SLC16A3: variants seen among roughly 807,000 people sequenced by gnomAD.
SLC16A3 encodes monocarboxylate transporter 4.
Under a neutral mutation model 25.0 loss-of-function variants are expected in SLC16A3, and 22 were observed. The ratio of observed to expected loss-of-function variants is 0.88; its 90% confidence interval spans 0.63 to 1.26. The LOEUF is 1.26. SLC16A3 is among the 50% of genes most tolerant of loss of function. The pLI, the probability that SLC16A3 is intolerant of heterozygous loss-of-function variation, is 0.00. For synonymous variants in SLC16A3, 390 were observed against 309.2 expected (o/e 1.26, Z -2.74); for missense variants, 731 against 666.6 (o/e 1.10, Z -1.06).
upstream of SLC16A3, among the ~76,000 whole-genome samples, chr17:82,224,681 C>T (rs1384979188): frequency 6.6e-6 from 1 of 151,044 alleles, no homozygotes; most frequent in Non-Finnish European, 1.5e-5. Context: ...TGTGCAGACA[C>T]ACCCCTACAC....
chr17:82,238,630 A>G, intron 4 of SLC16A3, 72 bp from the exon 5 acceptor site: 2 of 1,448,724 alleles, frequency 1.4e-6, no homozygotes, highest in South Asian at 2.9e-5. Context: ...ACCGAGACAC[A>G]GGCTTGGGTG....
upstream of SLC16A3, among the ~76,000 whole-genome samples, chr17:82,223,480 C>T (rs558152179): frequency 3.0e-4 from 45 of 152,156 alleles, no homozygotes; most frequent in Admixed American, 2.4e-3. Flanking sequence ...TGAGCCACTG[C>T]GCCTGGACTA....
upstream of SLC16A3, among the ~76,000 whole-genome samples, chr17:82,227,692 G>A (rs372584375): frequency 8.1e-6 from 1 of 123,406 alleles, no homozygotes; most frequent in African/African-American, 4.7e-5. Flanking sequence ...GAGCAGCACG[G>A]GCCAACTAAG....
Position 82,237,196 on chromosome 17 carries a change from C to A in SLC16A3, c.426C>A (p.Ser142Arg). ...TCATCATGCTGAACCGCTACTTCAG[C>A]AAGCGGCGCCCCATGGCCAACGGGC... Reference protein sequence around the residue: ...PSLIMLNRYFSKRRPMANGLA... With the variant: ...PSLIMLNRYFRKRRPMANGLA... Residue 142 changes from serine to arginine, a missense_variant, in exon 4 of 5, where the codon AGC (serine) becomes AGA (arginine). Ser to Arg is a moderately radical substitution (Grantham distance 110). Transcript: ENST00000582743. 6.5e-7 allele frequency: 1 copy of A among 1,529,876 alleles called. No individual in the cohort carries two copies. The highest frequency in any genetic ancestry group is 1.3e-5 in the South Asian group (1 of 79,636). 94.8% of individuals were successfully genotyped at this position (1,529,876 alleles called of 1,614,324 possible).
chr17:82,237,814 C>T lies in SLC16A3; in HGVS notation c.1044C>T (p.Gly348=). 3 of 1,609,994 alleles carry T rather than the reference C, an allele frequency of 1.9e-6. No homozygotes were observed. Among genetic ancestry groups the T allele is most frequent in the South Asian group, 1.1e-5 (1 of 91,084 alleles). ...TCGAGGTGCTCATGGCCATCGTGGG[C>T]ACCCACAAGTTCTCCAGTGCCATTG... ...LQFEVLMAIV[G]THKFSSAIGL... is the part of the protein sequence containing the mutation. Residue 348 remains glycine, a synonymous_variant, in exon 4 of 5, where the codon GGC becomes GGT. Coordinates refer to ENST00000582743, the MANE Select transcript of SLC16A3 (RefSeq NM_004207.4).
chr17:82,221,027 C>T (rs1414827269), intron 1 of SLC16A3, among the ~76,000 whole-genome samples: 1 of 151,900 alleles, frequency 6.6e-6, no homozygotes. Context: ...TTCTACTGGC[C>T]AGGCTGGTCT....
chr17:82,238,126 T>TGGGCCC (rs1325510926), intron 4 of SLC16A3, among the ~76,000 whole-genome samples: 1 of 151,682 alleles, frequency 6.6e-6, no homozygotes, highest in Non-Finnish European at 1.5e-5. Context: ...GGCTAGGGGC[T>TGGGCCC]GGGCCCGGGG....
rs2050595578 is a variant in SLC16A3, at chr17:82,236,157, T to C, written c.149T>C (p.Ile50Thr). Residue 50 changes from isoleucine to threonine, a missense_variant, in exon 2 of 5, where the codon ATA becomes ACA. Ile to Thr is a moderately conservative substitution (Grantham distance 89). Transcript: ENST00000582743. The stretch of plus-strand genomic sequence containing the variant: ...GTCAGTGTCTTCTTCAAGGAGCTCA[T>C]ACAGGAGTTTGGGATCGGCTACAGC... ...KAVSVFFKEL[I>T]QEFGIGYSDT... is the part of the protein sequence containing the mutation. 2 of 1,613,298 alleles carry C rather than the reference T, an allele frequency of 1.2e-6. No homozygotes were observed. The highest frequency in any genetic ancestry group is 1.7e-6 in the Non-Finnish European group (2 of 1,179,982).
rs889116935 is a variant in SLC16A3 at position 82,239,199 on chromosome 17, G to A, written c.*223G>A. ...GTGAAGCCAAGCCGCAAGGTTACAA[G>A]GCATCCTCACCAGGGGCCCCGCCTG... On this transcript the variant is annotated 3_prime_UTR_variant, in exon 5 of 5. Transcript: ENST00000582743. 9.9e-6 allele frequency: 4 copies of A among 402,304 alleles called. No homozygotes were observed. Among genetic ancestry groups the A allele is most frequent in the South Asian group, 1.3e-4 (2 of 15,712 alleles). The allele number at this position is 402,304 out of a possible 1,614,324, so 24.9% of individuals were successfully genotyped here. A position where few individuals can be genotyped will look rare whatever the true frequency, so the allele number is the denominator to read the frequency against.
intron 1 of SLC16A3, among the ~76,000 whole-genome samples, chr17:82,222,021 G>C (rs573646838): frequency 6.6e-6 from 1 of 151,972 alleles, no homozygotes; most frequent in Admixed American, 6.6e-5. Context: ...GGACAGGAGC[G>C]TCGCCCTGGG....
intron 2 of SLC16A3, 114 bp from the exon 3 acceptor site, chr17:82,236,615 C>CG (rs2050608885): frequency 3.4e-6 from 5 of 1,452,734 alleles, no homozygotes; most frequent in Non-Finnish European, 3.7e-6. Flanking sequence ...TGGTGCCCCG[C>CG]GGGGGGAGGG....
chr17:82,239,101 A>G lies in SLC16A3; in HGVS notation c.*125A>G. The G allele has an allele frequency of 1.1e-6, 1 of 921,130 alleles. No individual in the cohort carries two copies. The highest frequency in any genetic ancestry group is 1.6e-6 in the Non-Finnish European group (1 of 638,542). 57.1% of individuals were successfully genotyped at this position (921,130 alleles called of 1,614,324 possible). ...TGGGCTCCAGCTGCCGGCCCAGCGG[A>G]TCGTCGCCCGATCAGTGTTTTGAGG... is the stretch of plus-strand genomic sequence containing the variant. On this transcript the variant is annotated 3_prime_UTR_variant, in exon 5 of 5. Transcript: ENST00000582743.
chr17:82,235,945 C>A, intron 1 of SLC16A3, 38 bp from the exon 2 acceptor site: 1 of 1,420,054 alleles, frequency 7.0e-7, no homozygotes, highest in South Asian at 1.2e-5. Context: ...CTGGGATGGT[C>A]ACCCGGGCAG....
At chr17:82,219,238 C>T (rs1231538181) in intron 1 of SLC16A3, among the ~76,000 whole-genome samples, 1 of 152,078 alleles carries the variant, frequency 6.6e-6, no homozygotes, top group African/African-American at 2.4e-5. Context: ...CGATGGAGCC[C>T]TGCTGGGCCT....
chr17:82,222,882 C>T (rs890300924), intron 1 of SLC16A3, among the ~76,000 whole-genome samples: 6 of 151,664 alleles, frequency 4.0e-5, no homozygotes, highest in African/African-American at 1.5e-4. Context: ...ACATGATGCT[C>T]AGTAAACACG....
intron 1 of SLC16A3, 161 bp from the exon 2 acceptor site, chr17:82,235,822 C>T (rs757376640): frequency 3.1e-5 from 19 of 609,102 alleles, no homozygotes; most frequent in Non-Finnish European, 4.7e-5. Flanking sequence ...TCCAAACCCT[C>T]CTGCCTCCAC....
At chr17:82,228,931 C>T (rs2050448892), upstream of SLC16A3, 1 of 149,318 alleles carries the variant, frequency 6.7e-6, no homozygotes, top group South Asian at 1.9e-4. Context: ...CCGGAGGCGG[C>T]GCGGGGTCCG....
chr17:82,227,576 ACCACCTGCCCTGGGCGGGAG>A (rs2050432158), upstream of SLC16A3, among the ~76,000 whole-genome samples: 3 of 141,168 alleles, frequency 2.1e-5, no homozygotes, highest in African/African-American at 7.7e-5. Context: ...AGATGGGAGC[ACCACCTGCCCTGGGCGGGAG>A]CACCACCTGC....
upstream of SLC16A3, among the ~76,000 whole-genome samples, chr17:82,227,192 T>C (rs761470065): frequency 6.6e-6 from 1 of 152,144 alleles, no homozygotes; most frequent in Non-Finnish European, 1.5e-5. Flanking sequence ...ACTGGGCGTC[T>C]TCCCAGCTGG....
Sources: gnomAD v4.1 joint callset for allele counts (sites outside exome capture counted in the v4.1 genomes callset) on GRCh38, gnomAD v4.1.1 for gene constraint, MANE v1.5 for transcripts, NCBI Gene and HGNC (gene_info 2026-07-23, HGNC 2026-07-21) for gene names.